ANGPTL5: variants seen among roughly 807,000 people sequenced by gnomAD.
The protein encoded by ANGPTL5 is angiopoietin like 5.
A neutral mutation model predicts 39.4 loss-of-function variants in ANGPTL5; 34 were observed. The ratio of observed to expected loss-of-function variants is 0.86; its 90% CI spans 0.66 to 1.15. ANGPTL5 has a LOEUF of 1.15. Among genes scored for constraint, ANGPTL5 ranks in the 50% most tolerant of loss-of-function variants. The pLI is 0.00. For synonymous variants in ANGPTL5, 146 were observed against 152.1 expected (o/e 0.96, Z 0.29); for missense variants, 467 against 457.5 (o/e 1.02, Z -0.19).
At chr11:101,910,135 G>T (rs927087877) in intron 1 of ANGPTL5, among the ~76,000 whole-genome samples, 1 of 152,122 alleles carries the variant, frequency 6.6e-6, no homozygotes, top group Non-Finnish European at 1.5e-5. Context: ...TTCAGGCTGG[G>T]CGCGGTGGCT....
intron 7 of ANGPTL5, among the ~76,000 whole-genome samples, chr11:101,899,367 T>C (rs1939854629): frequency 6.6e-6 from 1 of 152,224 alleles, no homozygotes; most frequent in Non-Finnish European, 1.5e-5. Context: ...CTCAAAGTGC[T>C]GGGGTTACAG....
chr11:101,915,044 G>T, intron 1 of ANGPTL5: 1 of 474,324 alleles, frequency 2.1e-6, no homozygotes. Context: ...GCGGCTGCAG[G>T]GTTGCTGCCG....
At chr11:101,900,386 C>G (rs1419031062) in intron 7 of ANGPTL5, 44 bp downstream of exon 7, 4 of 1,586,628 alleles carry the variant, frequency 2.5e-6, no homozygotes, top group Non-Finnish European at 3.5e-6. Context: ...GATATAATAT[C>G]AAAAAGAGTA....
At position 101,904,883 on chromosome 11, in the gene ANGPTL5, G is replaced by T. The variant is rs202147597; in HGVS notation, c.370C>A (p.Leu124Ile). The T allele has an allele frequency of 6.2e-7, 1 of 1,613,428 alleles. No homozygotes were observed. Among genetic ancestry groups the T allele is most frequent in the African/African-American group, 1.3e-5 (1 of 75,030 alleles). Residue 124 changes from leucine to isoleucine, a missense_variant, in exon 5 of 9, where the codon CTC becomes ATC. Leu to Ile is a conservative substitution (Grantham distance 5, BLOSUM62 2). Coordinates refer to ENST00000334289, the MANE Select transcript of ANGPTL5 (RefSeq NM_178127.5). The stretch of plus-strand genomic sequence containing the variant: ...CTAAAAACTTCTGTAGTCAAAAGGA[G>T]AACTCTATTCATGAGCTCGTTAACC... ...NQVNELMNRV[L>I]LLTTEVFRKQ...
At chr11:101,910,335 G>A (rs924576862) in intron 1 of ANGPTL5, among the ~76,000 whole-genome samples, 21 of 150,824 alleles carry the variant, frequency 1.4e-4, no homozygotes, top group Admixed American at 3.3e-4. Context: ...GCTTGAACCC[G>A]GGAGGTAGAG....
intron 3 of ANGPTL5, among the ~76,000 whole-genome samples, chr11:101,906,679 T>C (rs1269250467): frequency 6.6e-6 from 1 of 152,120 alleles, no homozygotes; most frequent in Non-Finnish European, 1.5e-5. Flanking sequence ...ACGTATGTTA[T>C]TCTTTAAAAT....
chr11:101,909,063 A>G (rs10895219), intron 1 of ANGPTL5, among the ~76,000 whole-genome samples: 8,783 of 152,216 alleles, frequency 0.058, 534 homozygotes, highest in East Asian at 0.31. Flanking sequence ...GGTTCGAGAC[A>G]TTATTTTCTC....
At chr11:101,902,940 T>C (rs536691953) in intron 5 of ANGPTL5, among the ~76,000 whole-genome samples, 2 of 152,270 alleles carry the variant, frequency 1.3e-5, no homozygotes, top group East Asian at 3.9e-4. Context: ...ATGTCACTGT[T>C]AGTGATTAGT....
chr11:101,904,740 T>C, intron 5 of ANGPTL5, 74 bp downstream of exon 5: 1 of 1,320,078 alleles, frequency 7.6e-7, no homozygotes, highest in Non-Finnish European at 1.1e-6. Context: ...AACTTTTAAA[T>C]GGATCGACCT....
chr11:101,899,641 G>A (rs971480192), intron 7 of ANGPTL5, among the ~76,000 whole-genome samples: 5 of 152,230 alleles, frequency 3.3e-5, no homozygotes, highest in African/African-American at 1.2e-4. Context: ...CCAGAGCATG[G>A]CAGTTACCTG....
At chr11:101,904,247 T>C (rs1939960663) in intron 5 of ANGPTL5, among the ~76,000 whole-genome samples, 2 of 152,162 alleles carry the variant, frequency 1.3e-5, no homozygotes, top group Non-Finnish European at 2.9e-5. Flanking sequence ...TTCTAGGCCC[T>C]CAATAATATT....
Position 101,900,242 on chromosome 11 carries a change from A to T in ANGPTL5, c.661+188T>A, listed in dbSNP as rs1276365757. ...TTTCACCAGATATCTACAAATAAAG[A>T]TTTCCAGATCTCCACTGAAGACCTA... On this transcript the variant is annotated intron_variant, in intron 7 of 8. Coordinates refer to ENST00000334289, the MANE Select transcript of ANGPTL5 (RefSeq NM_178127.5). 3.9e-5 allele frequency among the ~76,000 whole-genome samples: 6 copies of T among 152,006 alleles called. 1 individual carries two copies. The highest frequency in any genetic ancestry group is 2.0e-4 in the Admixed American group (3 of 15,254).
intron 7 of ANGPTL5, 116 bp downstream of exon 7, chr11:101,900,314 T>C (rs1939870685): frequency 1.9e-6 from 2 of 1,033,690 alleles, no homozygotes; most frequent in Non-Finnish European, 2.9e-6. Flanking sequence ...ATTTAAGTTA[T>C]ATTTTGATAT....
Position 101,900,902 on chromosome 11 carries a change from A to G in ANGPTL5, c.541-352T>C, listed in dbSNP as rs1400209059. Among the ~76,000 whole-genome samples, 4 of 150,776 alleles carry G rather than the reference A, an allele frequency of 2.7e-5. No individual in the cohort carries two copies. In the South Asian group the frequency reaches 8.4e-4, roughly 32 times the overall value. On this transcript the variant is annotated intron_variant, in intron 6 of 8. Coordinates refer to ENST00000334289, the MANE Select transcript of ANGPTL5 (RefSeq NM_178127.5). ...AATCTCCCTCTGTCGCCCAGGCTGGAGTGCAGTGGCGCGATCCCGGCTCAC... is the reference window on the plus strand; with the variant it reads ...AATCTCCCTCTGTCGCCCAGGCTGGGGTGCAGTGGCGCGATCCCGGCTCAC...
chr11:101,896,709 T>C (rs1939803508), intron 7 of ANGPTL5, among the ~76,000 whole-genome samples: 1 of 152,240 alleles, frequency 6.6e-6, no homozygotes, highest in Admixed American at 6.5e-5. Flanking sequence ...GGCTGCATAG[T>C]ATTCCATGGT....
chr11:101,906,995 G>A, intron 3 of ANGPTL5, 108 bp downstream of exon 3: 3 of 826,126 alleles, frequency 3.6e-6, no homozygotes, highest in Non-Finnish European at 5.6e-6. Flanking sequence ...AGGATGATCA[G>A]GATGTATAGA....
In ANGPTL5 at chr11:101,900,433, G is replaced by A. The variant is rs1483380136; in HGVS notation, c.658C>T (p.Leu220=). 1 of 1,612,722 alleles carries A rather than the reference G, an allele frequency of 6.2e-7. No homozygotes were observed. Among genetic ancestry groups the A allele is most frequent in the East Asian group, 2.2e-5 (1 of 44,790 alleles). ...CDYLDGFGDL[L]GEFWLGLKKI... is the part of the protein sequence containing the mutation. ...GTAGAAATACAAAAAAATTAACCTA[G>A]AAGATCTCCAAATCCATCCAGATAA... The change falls in exon 7 of 9, where the codon CTA becomes TTA. Residue 220 remains leucine (L), a synonymous_variant. Coordinates refer to ENST00000334289, the MANE Select transcript of ANGPTL5 (RefSeq NM_178127.5).
intron 5 of ANGPTL5, among the ~76,000 whole-genome samples, chr11:101,904,595 A>G (rs931214383): frequency 6.6e-6 from 1 of 152,246 alleles, no homozygotes; most frequent in African/African-American, 2.4e-5. Context: ...ATATCTTTAT[A>G]CAGCCATGGC....
chr11:101,907,925 A>G lies in ANGPTL5; in HGVS notation c.-16T>C, dbSNP rs1940026218. Reference sequence around the variant, plus strand: ...GAGACATCATATTTTTCTTGGATAGATGAAAACACTTCTTCAAATATCAGT... The same window carrying G: ...GAGACATCATATTTTTCTTGGATAGGTGAAAACACTTCTTCAAATATCAGT... On this transcript the variant is annotated 5_prime_UTR_variant, in exon 2 of 9. Transcript: ENST00000334289. 6.6e-7 allele frequency: 1 copy of G among 1,513,922 alleles called. No homozygotes were observed. The highest frequency in any genetic ancestry group is 9.2e-7 in the Non-Finnish European group (1 of 1,089,744). The allele number at this position is 1,513,922 out of a possible 1,614,324, so 93.8% of individuals were successfully genotyped here. A position where few individuals can be genotyped will look rare whatever the true frequency, so the allele number is the denominator to read the frequency against.
Sources: gnomAD v4.1 joint callset for allele counts (sites outside exome capture counted in the v4.1 genomes callset) on GRCh38, gnomAD v4.1.1 for gene constraint, MANE v1.5 for transcripts, NCBI Gene and HGNC (gene_info 2026-07-23, HGNC 2026-07-21) for gene names.